RCL1: variants seen among roughly 807,000 people sequenced by gnomAD.
The protein encoded by RCL1 is RNA terminal phosphate cyclase like 1.
RCL1 carries 24 observed loss-of-function variants against 42.4 expected under a neutral mutation model. That is an observed-to-expected ratio of 0.57 (90% CI 0.41 to 0.80). The LOEUF (loss-of-function observed/expected upper bound fraction) is 0.80, where lower values mean the gene tolerates loss of function less well. RCL1 is among the 30% of genes least tolerant of loss of function. The pLI is 0.00. For missense variants in RCL1, 578 were observed against 467.9 expected, an observed-to-expected ratio of 1.24 and a Z score of -2.17; for synonymous variants, 228 against 177.3, an observed-to-expected ratio of 1.29 and a Z score of -2.27.
chr9:4,852,408 T>A (rs1219662168), intron 8 of RCL1, among the ~76,000 whole-genome samples: 1 of 152,178 alleles, frequency 6.6e-6, no homozygotes, highest in African/African-American at 2.4e-5. Context: ...TAGCAAAAAT[T>A]AAGATGCATC....
At chr9:4,796,378 T>C (rs1357700498) in intron 1 of RCL1, among the ~76,000 whole-genome samples, 3 of 152,214 alleles carry the variant, frequency 2.0e-5, no homozygotes, top group Non-Finnish European at 4.4e-5. Flanking sequence ...TAATGGCCTC[T>C]AGCTCCATGT....
In RCL1 at chr9:4,826,886, C is replaced by T. The variant is rs1381210742; in HGVS notation, c.237C>T (p.Leu79=). The T allele has an allele frequency of 8.7e-6, 14 of 1,613,978 alleles. No homozygotes were observed. The highest frequency in any genetic ancestry group is 1.2e-5 in the Non-Finnish European group (14 of 1,179,990). ...CAACCTTATATTATCAGCCTGGCCTCCTGTATGGTGGATCTGTGGAACATG... is the reference window on the plus strand; with the variant it reads ...CAACCTTATATTATCAGCCTGGCCTTCTGTATGGTGGATCTGTGGAACATG... The part of the protein sequence containing the change: ...TGTTLYYQPG[L]LYGGSVEHDC... Residue 79 remains leucine, a synonymous_variant, in exon 3 of 9, where the codon CTC becomes CTT. Transcript: ENST00000381750.
chr9:4,851,386 G>C (rs1458896287), intron 8 of RCL1, among the ~76,000 whole-genome samples: 1 of 152,184 alleles, frequency 6.6e-6, no homozygotes, highest in Non-Finnish European at 1.5e-5. Flanking sequence ...TTTTTGGTAA[G>C]CTAGCATAAA....
In RCL1 at chr9:4,841,265, C is replaced by T. The variant is rs775339027; in HGVS notation, c.618C>T (p.Asn206=). Residue 206 remains asparagine, a synonymous_variant, in exon 6 of 9, where the codon AAC becomes AAT. Transcript: ENST00000381750. The stretch of plus-strand genomic sequence containing the variant: ...TACGTGTGTCACCTCAGATGGCGAA[C>T]CGGATTGTGGATTCTGCAAGGAGCA... ...YSVRVSPQMA[N]RIVDSARSIL... 2.5e-6 allele frequency: 4 copies of T among 1,613,418 alleles called. No homozygotes were observed. The highest frequency in any genetic ancestry group is 2.2e-5 in the South Asian group (2 of 91,072).
At chr9:4,824,703 G>A (rs994187295) in intron 2 of RCL1, among the ~76,000 whole-genome samples, 4 of 152,052 alleles carry the variant, frequency 2.6e-5, no homozygotes, top group African/African-American at 9.7e-5. Flanking sequence ...GCAAGCTTGG[G>A]TTCATATGTG....
At chr9:4,820,454 G>A (rs967502375) in intron 1 of RCL1, among the ~76,000 whole-genome samples, 1 of 152,222 alleles carries the variant, frequency 6.6e-6, no homozygotes, top group African/African-American at 2.4e-5. Flanking sequence ...GGATGGTCCT[G>A]CCTGGAGTTC....
At chr9:4,819,162 G>C (rs2130993280) in intron 1 of RCL1, among the ~76,000 whole-genome samples, 1 of 152,350 alleles carries the variant, frequency 6.6e-6, no homozygotes, top group South Asian at 2.1e-4. Context: ...CTCAACCCCA[G>C]ACAGGGCAGG....
intron 3 of RCL1, among the ~76,000 whole-genome samples, chr9:4,832,337 C>T (rs1475664553): frequency 6.6e-6 from 1 of 152,272 alleles, no homozygotes; most frequent in Non-Finnish European, 1.5e-5. Context: ...AAAATCATCA[C>T]CTTCCCTTTA....
At chr9:4,826,016 G>C (rs897889539) in intron 2 of RCL1, among the ~76,000 whole-genome samples, 5 of 151,510 alleles carry the variant, frequency 3.3e-5, no homozygotes, top group Non-Finnish European at 5.9e-5. Context: ...GATCACTTGA[G>C]CCCAAGAGTT....
intron 1 of RCL1, among the ~76,000 whole-genome samples, chr9:4,801,311 A>G (rs1166560604): frequency 6.6e-6 from 1 of 152,110 alleles, no homozygotes; most frequent in Admixed American, 6.5e-5. Flanking sequence ...AGCTGGGACT[A>G]CAGGCACATA....
At chr9:4,819,111 CA>C (rs1816495123) in intron 1 of RCL1, among the ~76,000 whole-genome samples, 1 of 152,112 alleles carries the variant, frequency 6.6e-6, no homozygotes, top group South Asian at 2.1e-4. Context: ...GCACATGACA[CA>C]AAATTCAAAG....
At chr9:4,846,543 C>T (rs923874870) in intron 7 of RCL1, among the ~76,000 whole-genome samples, 3 of 149,768 alleles carry the variant, frequency 2.0e-5, no homozygotes, top group Admixed American at 6.7e-5. Context: ...ACTTAATTCA[C>T]GAAGTTTGTG....
intron 1 of RCL1, among the ~76,000 whole-genome samples, chr9:4,812,797 A>C (rs1816226363): frequency 6.6e-6 from 1 of 151,822 alleles, no homozygotes; most frequent in Non-Finnish European, 1.5e-5. Flanking sequence ...TCCTTGGTTA[A>C]ATTTATTTCT....
chr9:4,796,225 T>C (rs7851250), intron 1 of RCL1, among the ~76,000 whole-genome samples: 36,934 of 152,008 alleles, frequency 0.24, 5,049 homozygotes, highest in African/African-American at 0.37. Context: ...AATTTTTCAA[T>C]CTCCCTCAAT....
intron 3 of RCL1, among the ~76,000 whole-genome samples, chr9:4,831,291 GGAATGCT>G (rs1816936568): frequency 6.7e-6 from 1 of 149,396 alleles, no homozygotes; most frequent in Non-Finnish European, 1.5e-5. Flanking sequence ...TGAGCCAGAA[GGAATGCT>G]GTGTTTTTTC....
rs75671432 is a variant in RCL1, at chr9:4,815,584, G to A, written c.137-7964G>A. On this transcript the variant is annotated intron_variant, in intron 1 of 8. Coordinates refer to ENST00000381750, the MANE Select transcript of RCL1 (RefSeq NM_005772.5). ...CACCATGCTGAAAGGTACAGTAGCCGCTTAAAGCTCGGCTTGAGGATGTTG... is the reference window on the plus strand; with the variant it reads ...CACCATGCTGAAAGGTACAGTAGCCACTTAAAGCTCGGCTTGAGGATGTTG... Among the ~76,000 whole-genome samples the A allele has an allele frequency of 3.9e-5, 6 of 152,172 alleles. No homozygotes were observed. The East Asian group carries it at 9.7e-4, about 25-fold the overall frequency.
At chr9:4,858,373 A>C (rs1180569740) in intron 8 of RCL1, among the ~76,000 whole-genome samples, 1 of 151,966 alleles carries the variant, frequency 6.6e-6, no homozygotes, top group Non-Finnish European at 1.5e-5. Context: ...CAATTTATTT[A>C]TTTTGTCTCT....
intron 3 of RCL1, chr9:4,827,315 C>T: frequency 8.7e-7 from 1 of 1,150,804 alleles, no homozygotes; most frequent in Non-Finnish European, 1.2e-6. Context: ...TTGACATGAA[C>T]TATAGTTCTG....
At chr9:4,846,721 T>C (rs1421673230) in intron 7 of RCL1, among the ~76,000 whole-genome samples, 4 of 152,092 alleles carry the variant, frequency 2.6e-5, no homozygotes, top group Non-Finnish European at 5.9e-5. Context: ...TAATAGACCT[T>C]GGGAGAATTA....
Sources: allele counts gnomAD v4.1 joint callset (sites outside exome capture counted in the v4.1 genomes callset), GRCh38; gene constraint gnomAD v4.1.1; transcripts MANE v1.5; gene names NCBI Gene and HGNC (gene_info 2026-07-23, HGNC 2026-07-21).